The following DCBLD2 variants were observed in gnomAD, a reference collection of about 807,000 sequenced individuals.
The protein encoded by DCBLD2 is discoidin, CUB and LCCL domain containing 2.
DCBLD2 carries 54 observed loss-of-function variants against 86.8 expected under a neutral mutation model. The observed-to-expected ratio is 0.62, with a 90% CI of 0.50 to 0.78. DCBLD2 has a LOEUF of 0.78. DCBLD2 is among the 30% of genes least tolerant of loss of function. DCBLD2 has a pLI of 0.00. For missense variants in DCBLD2, 908 were observed against 954.2 expected, an observed-to-expected ratio of 0.95 and a Z score of 0.64; for synonymous variants, 354 against 341.3, an observed-to-expected ratio of 1.04 and a Z score of -0.41.
intron 13 of DCBLD2, among the ~76,000 whole-genome samples, chr3:98,804,597 GT>G (rs1941795299): frequency 6.6e-6 from 1 of 152,134 alleles, no homozygotes; most frequent in Non-Finnish European, 1.5e-5. Flanking sequence ...TTTTCAATGT[GT>G]TTGCTCTTGC....
At position 98,812,324 on chromosome 3, in the gene DCBLD2, C is replaced by G; in HGVS notation, c.1363+8G>C. ...TAAAAACATATCTTAAACGAACTGT[C>G]TCTTTACCTTTAGGAATAAACTGAC... On this transcript the variant is annotated splice_region_variant and intron_variant, in intron 10 of 15. Transcript: ENST00000326840. 8.1e-6 allele frequency: 13 copies of G among 1,613,022 alleles called. No homozygotes were observed. The highest frequency in any genetic ancestry group is 1.0e-5 in the Non-Finnish European group (12 of 1,179,448).
chr3:98,817,685 T>A (rs139286861), intron 9 of DCBLD2, 84 bp downstream of exon 9: 8 of 1,369,338 alleles, frequency 5.8e-6, no homozygotes, highest in Middle Eastern at 1.9e-4. Flanking sequence ...AACTTCTACA[T>A]CTCTTTTATA....
intron 2 of DCBLD2, among the ~76,000 whole-genome samples, chr3:98,868,974 G>A (rs959100328): frequency 2.6e-5 from 4 of 151,968 alleles, no homozygotes; most frequent in African/African-American, 9.7e-5. Context: ...TTTTCCTTTG[G>A]GCAGATATCA....
chr3:98,859,617 T>C (rs1007633019), intron 2 of DCBLD2, among the ~76,000 whole-genome samples: 8 of 152,070 alleles, frequency 5.3e-5, no homozygotes, highest in Admixed American at 2.0e-4. Flanking sequence ...GCAAACAGGG[T>C]CTGGAGTGGA....
chr3:98,877,925 G>A lies in DCBLD2; in HGVS notation c.433+3615C>T, dbSNP rs149085190. Among the ~76,000 whole-genome samples, 561 of 152,214 alleles carry A rather than the reference G, an allele frequency of 3.7e-3. 3 individuals carry two copies. Among genetic ancestry groups the A allele is most frequent in the Non-Finnish European group, 4.6e-3 (314 of 68,016 alleles). ...TGAGCACCAAAATAATGACAGGAAAGGGTGATAAGTGATGGCCTAACACAG... is the reference window on the plus strand; with the variant it reads ...TGAGCACCAAAATAATGACAGGAAAAGGTGATAAGTGATGGCCTAACACAG... On this transcript the variant is annotated intron_variant, in intron 2 of 15. Coordinates refer to ENST00000326840, the MANE Select transcript of DCBLD2 (RefSeq NM_080927.4).
In DCBLD2 at chr3:98,863,688, C is replaced by T. The variant is rs1943087913; in HGVS notation, c.434-14090G>A. On this transcript the variant is annotated intron_variant, in intron 2 of 15. Transcript: ENST00000326840. ...TAGAAAGCTGAAACTGGATCCCTTC[C>T]TTACACCTTATACAAAAATTAACTC... 2.0e-5 allele frequency among the ~76,000 whole-genome samples: 3 copies of T among 152,288 alleles called. No homozygotes were observed. In the South Asian group the frequency reaches 6.2e-4, roughly 32 times the overall value.
intron 3 of DCBLD2, among the ~76,000 whole-genome samples, chr3:98,840,082 A>C (rs1307626367): frequency 6.6e-6 from 1 of 152,204 alleles, no homozygotes; most frequent in Non-Finnish European, 1.5e-5. Flanking sequence ...CTTGGAGATA[A>C]GGATAGTTGG....
rs1943847925 is a variant in DCBLD2, at chr3:98,901,315, C to T, written c.12G>A (p.Arg4=). The change falls in exon 1 of 16, where the codon CGG becomes CGA. Residue 4 remains arginine, a synonymous_variant. Transcript: ENST00000326840. ...GGCAGCGCCTGGCTCTCACCACCGC[C>T]CGGCTCGCCATCGCGGCGGCCGGCA... The part of the protein sequence containing the change: MAS[R]AVVRARRCPQ... 1 of 1,419,248 alleles carries T rather than the reference C, an allele frequency of 7.0e-7. No individual in the cohort carries two copies. 87.9% of individuals were successfully genotyped at this position (1,419,248 alleles called of 1,614,324 possible).
chr3:98,833,075 A>T (rs753114122), intron 3 of DCBLD2, among the ~76,000 whole-genome samples: 15 of 152,310 alleles, frequency 9.8e-5, no homozygotes, highest in Non-Finnish European at 5.9e-5. Context: ...AGTGATTTGC[A>T]GATTTGGCTT....
chr3:98,861,311 G>T (rs1417160934), intron 2 of DCBLD2, among the ~76,000 whole-genome samples: 10 of 50,012 alleles, frequency 2.0e-4, no homozygotes. Flanking sequence ...GCATTAGACA[G>T]ATCAATGAGA....
At chr3:98,885,473 G>A (rs745543305) in intron 1 of DCBLD2, among the ~76,000 whole-genome samples, 6 of 151,576 alleles carry the variant, frequency 4.0e-5, no homozygotes, top group African/African-American at 1.5e-4. Flanking sequence ...ATACACTCTC[G>A]CATGCACGCT....
At chr3:98,839,074 T>C (rs1272133292) in intron 3 of DCBLD2, among the ~76,000 whole-genome samples, 1 of 152,192 alleles carries the variant, frequency 6.6e-6, no homozygotes, top group African/African-American at 2.4e-5. Context: ...CCTGTTGATC[T>C]GTGACCTTAC....
chr3:98,884,432 G>A (rs1231511067), intron 1 of DCBLD2, among the ~76,000 whole-genome samples: 1 of 150,348 alleles, frequency 6.7e-6, no homozygotes, highest in Non-Finnish European at 1.5e-5. Flanking sequence ...AATTTCCCCT[G>A]AAACTGGCAT....
intron 2 of DCBLD2, among the ~76,000 whole-genome samples, chr3:98,877,355 C>T (rs1351606064): frequency 2.0e-5 from 3 of 152,108 alleles, no homozygotes; most frequent in African/African-American, 7.2e-5. Flanking sequence ...TTCTAGGTAG[C>T]AGGCTTCTTT....
chr3:98,809,192 T>C (rs933648129), intron 12 of DCBLD2, among the ~76,000 whole-genome samples: 1 of 152,066 alleles, frequency 6.6e-6, no homozygotes, highest in African/African-American at 2.4e-5. Flanking sequence ...ATATAGAAAA[T>C]GATCTGCCTA....
intron 2 of DCBLD2, among the ~76,000 whole-genome samples, chr3:98,878,499 G>GA (rs376721456): frequency 6.6e-6 from 1 of 150,828 alleles, no homozygotes; most frequent in Admixed American, 6.6e-5. Flanking sequence ...GATATAGGGG[G>GA]AAAAAAAAAG....
rs751865747 is a variant in DCBLD2, at chr3:98,811,183, T to C, written c.1576+11A>G. On this transcript the variant is annotated intron_variant, in intron 12 of 15. Coordinates refer to ENST00000326840, the MANE Select transcript of DCBLD2 (RefSeq NM_080927.4). The stretch of plus-strand genomic sequence containing the variant: ...ACTATGTACTAGGCGTTCATTTCCA[T>C]GTTTGCATACCTTTGGTTACATTTG... 5.0e-5 allele frequency: 79 copies of C among 1,588,094 alleles called. 1 individual carries two copies. The Middle Eastern group carries it at 5.0e-4, about 10-fold the overall frequency.
intron 3 of DCBLD2, among the ~76,000 whole-genome samples, chr3:98,845,851 G>C (rs574767590): frequency 6.6e-6 from 1 of 151,962 alleles, no homozygotes; most frequent in Non-Finnish European, 1.5e-5. Context: ...TTCCTTCCTT[G>C]TCTGCCTGGA....
At chr3:98,849,747 A>AT in intron 2 of DCBLD2, 149 bp from the exon 3 acceptor site, 2 of 921,958 alleles carry the variant, frequency 2.2e-6, no homozygotes, top group African/African-American at 1.7e-5. Context: ...ATTACCAATC[A>AT]TATTGCTCTG....
Sources: allele counts gnomAD v4.1 joint callset (sites outside exome capture counted in the v4.1 genomes callset), GRCh38; gene constraint gnomAD v4.1.1; transcripts MANE v1.5; gene names NCBI Gene and HGNC (gene_info 2026-07-23, HGNC 2026-07-21).